ERC1: variants seen among roughly 807,000 people sequenced by gnomAD.
The protein encoded by ERC1 is ELKS/RAB6-interacting/CAST family member 1, also known as RAB6 interacting protein 2.
In ERC1, 56 loss-of-function variants were observed where a neutral mutation model predicts 132.0. The observed-to-expected ratio is 0.42, with a 90% CI of 0.34 to 0.53. The LOEUF (loss-of-function observed/expected upper bound fraction) is 0.53, where lower values mean the gene tolerates loss of function less well. Among genes scored for constraint, ERC1 ranks in the 20% least tolerant of loss-of-function variants. ERC1 has a pLI of 0.03. For synonymous variants in ERC1, 478 were observed against 476.1 expected, an observed-to-expected ratio of 1.00 and a Z score of -0.05; for missense variants, 1,202 against 1,349.9, an observed-to-expected ratio of 0.89 and a Z score of 1.72.
At chr12:1,009,215 C>T (rs1251429381) in intron 1 of ERC1, among the ~76,000 whole-genome samples, 1 of 151,334 alleles carries the variant, frequency 6.6e-6, no homozygotes, top group Non-Finnish European at 1.5e-5. Flanking sequence ...CTCTCTGTCG[C>T]CCAGGCTGGA....
At chr12:1,105,155 T>C (rs1945109169) in intron 4 of ERC1, among the ~76,000 whole-genome samples, 1 of 152,166 alleles carries the variant, frequency 6.6e-6, no homozygotes, top group East Asian at 1.9e-4. Context: ...AGATACCAAG[T>C]CTGGGTAACC....
chr12:1,419,422 AT>A (rs2092334027), intron 17 of ERC1, among the ~76,000 whole-genome samples: 1 of 150,078 alleles, frequency 6.7e-6, no homozygotes, highest in African/African-American at 2.5e-5. Context: ...TATCAATAAC[AT>A]GTAGTGTAAG....
At chr12:1,485,034 A>G (rs1300247129) in intron 18 of ERC1, among the ~76,000 whole-genome samples, 1 of 150,274 alleles carries the variant, frequency 6.7e-6, no homozygotes, top group Admixed American at 6.6e-5. Flanking sequence ...AGGCACGCAC[A>G]ACCACACCTG....
intron 15 of ERC1, among the ~76,000 whole-genome samples, chr12:1,354,523 T>TA (rs57274272): frequency 0.32 from 46,988 of 147,634 alleles, 7,522 homozygotes; most frequent in Middle Eastern, 0.41. Context: ...AACTCCATCT[T>TA]AAAAAAAAAA....
chr12:1,192,583 C>T (rs117089864), intron 12 of ERC1, among the ~76,000 whole-genome samples: 2,758 of 152,298 alleles, frequency 0.018, 27 homozygotes, highest in Middle Eastern at 0.041. Flanking sequence ...TATGCTCCTT[C>T]TGCCCCTTGG....
At chr12:1,168,524 G>A (rs1013581150) in intron 8 of ERC1, among the ~76,000 whole-genome samples, 24 of 127,224 alleles carry the variant, frequency 1.9e-4, no homozygotes, top group Middle Eastern at 5.7e-3. Context: ...TGCTTTTGTC[G>A]CCTAGGCTGG....
At chr12:1,484,125 G>A (rs535123955) in intron 18 of ERC1, among the ~76,000 whole-genome samples, 1 of 151,774 alleles carries the variant, frequency 6.6e-6, no homozygotes, top group South Asian at 2.1e-4. Context: ...CTAACATGGT[G>A]AAACCCCATC....
At chr12:1,211,822 G>C (rs926793025) in intron 12 of ERC1, among the ~76,000 whole-genome samples, 1 of 150,822 alleles carries the variant, frequency 6.6e-6, no homozygotes, top group Non-Finnish European at 1.5e-5. Flanking sequence ...CACCATCCTT[G>C]GCCTCCCAAA....
intron 16 of ERC1, among the ~76,000 whole-genome samples, chr12:1,406,081 C>T (rs2091472763): frequency 1.3e-5 from 2 of 152,114 alleles, no homozygotes; most frequent in Non-Finnish European, 2.9e-5. Flanking sequence ...CAGTTTTACG[C>T]CAGACACCTT....
chr12:1,047,126 G>A (rs1359491762), intron 2 of ERC1, among the ~76,000 whole-genome samples: 1 of 152,008 alleles, frequency 6.6e-6, no homozygotes, highest in Non-Finnish European at 1.5e-5. Flanking sequence ...CCTACTTATT[G>A]AACTTTTGAA....
At chr12:1,199,463 T>C (rs1358309448) in intron 12 of ERC1, among the ~76,000 whole-genome samples, 1 of 150,202 alleles carries the variant, frequency 6.7e-6, no homozygotes, top group Non-Finnish European at 1.5e-5. Context: ...TATAAACAAC[T>C]GACTTTGTTA....
intron 7 of ERC1, among the ~76,000 whole-genome samples, chr12:1,129,078 T>A (rs1330512336): frequency 1.3e-5 from 2 of 152,214 alleles, no homozygotes; most frequent in East Asian, 3.9e-4. Context: ...TTTTCTGATT[T>A]TGATGATAGG....
At chr12:1,244,717 G>T in intron 13 of ERC1, 1 of 356,964 alleles carries the variant, frequency 2.8e-6, no homozygotes, top group Non-Finnish European at 5.6e-6. Flanking sequence ...ATTAGAGACG[G>T]GGTTTCACCA....
At chr12:1,224,124 T>C (rs868478265) in intron 12 of ERC1, among the ~76,000 whole-genome samples, 1 of 152,212 alleles carries the variant, frequency 6.6e-6, no homozygotes, top group Non-Finnish European at 1.5e-5. Context: ...CTCCCTCTTA[T>C]ATCTCTTCCC....
chr12:1,082,936 G>A (rs1942442696), intron 2 of ERC1, among the ~76,000 whole-genome samples: 1 of 152,192 alleles, frequency 6.6e-6, no homozygotes, highest in African/African-American at 2.4e-5. Flanking sequence ...AGTGAGGAGT[G>A]AGTGCCATAC....
chr12:1,232,298 C>T (rs149468354), intron 12 of ERC1, among the ~76,000 whole-genome samples: 1 of 152,102 alleles, frequency 6.6e-6, no homozygotes, highest in South Asian at 2.1e-4. Flanking sequence ...GTGTAATTTT[C>T]TTTGACTTGA....
chr12:1,177,777 T>C (rs1953908976), intron 8 of ERC1, among the ~76,000 whole-genome samples: 1 of 152,196 alleles, frequency 6.6e-6, no homozygotes, highest in Non-Finnish European at 1.5e-5. Context: ...GCCGATAGAC[T>C]TGCTCGACGC....
At chr12:1,483,437 G>A (rs2094129682) in intron 18 of ERC1, among the ~76,000 whole-genome samples, 3 of 152,026 alleles carry the variant, frequency 2.0e-5, no homozygotes. Flanking sequence ...CTTTTTATTG[G>A]CCAGTTGGTT....
rs374319917 is a variant in ERC1, at chr12:1,236,834, A to G, written c.2417A>G (p.Lys806Arg). 4.5e-5 allele frequency: 72 copies of G among 1,613,998 alleles called. 1 individual carries two copies. In the South Asian group the frequency reaches 7.6e-4, roughly 17 times the overall value. The change falls in exon 13 of 19, where the codon AAG becomes AGG. Residue 806 changes from lysine to arginine, a missense_variant. Physicochemically the swap from Lys to Arg is conservative, Grantham distance 26. Coordinates refer to ENST00000360905, the MANE Select transcript of ERC1 (RefSeq NM_178040.4). ...CACAAGGAACAGGTGGAAAAAAAGAAGAGTGCACAAATGTTAGAGGAGGCG... is the reference window on the plus strand; with the variant it reads ...CACAAGGAACAGGTGGAAAAAAAGAGGAGTGCACAAATGTTAGAGGAGGCG... ...LKHKEQVEKK[K>R]SAQMLEEARR...
Sources: gnomAD v4.1 joint callset for allele counts (sites outside exome capture counted in the v4.1 genomes callset) on GRCh38, gnomAD v4.1.1 for gene constraint, MANE v1.5 for transcripts, NCBI Gene and HGNC (gene_info 2026-07-23, HGNC 2026-07-21) for gene names.